The following PDE1C variants were observed in gnomAD, a reference collection of about 807,000 sequenced individuals.
The protein encoded by PDE1C is phosphodiesterase 1C, also known as dual specificity calcium/calmodulin-dependent 3',5'-cyclic nucleotide phosphodiesterase 1C.
Under a neutral mutation model 93.1 loss-of-function variants are expected in PDE1C, and 62 were observed. The ratio of observed to expected loss-of-function variants is 0.67; its 90% confidence interval spans 0.54 to 0.82. The LOEUF (loss-of-function observed/expected upper bound fraction) is 0.82, where lower values mean the gene tolerates loss of function less well. Among genes scored for constraint, PDE1C ranks in the 40% least tolerant of loss-of-function variants. The pLI, the probability that PDE1C is intolerant of heterozygous loss-of-function variation, is 0.00. For missense variants in PDE1C, 742 were observed against 884.6 expected (o/e 0.84, Z 2.04); for synonymous variants, 325 against 310.1 (o/e 1.05, Z -0.50).
chr7:31,864,399 G>A (rs192142457), intron 7 of PDE1C, among the ~76,000 whole-genome samples: 19 of 152,180 alleles, frequency 1.2e-4, no homozygotes, highest in African/African-American at 3.4e-4. Context: ...CATCTAAAGC[G>A]CTAAAATGTT....
At chr7:32,299,008 G>A in exon 1 of PDE1C, 3 of 1,243,888 alleles carry the variant, frequency 2.4e-6, no homozygotes, top group Non-Finnish European at 3.0e-6. Context: ...CGAGAGGAGT[G>A]TCAGGAAGGG....
intron 1 of PDE1C, among the ~76,000 whole-genome samples, chr7:32,232,594 G>C (rs1313759226): frequency 6.6e-6 from 1 of 152,110 alleles, no homozygotes; most frequent in Non-Finnish European, 1.5e-5. Context: ...AGAGCCTCAG[G>C]GACCCAAAAC....
chr7:31,938,838 T>TTGCATTGTTTTG (rs1385840089), intron 2 of PDE1C, among the ~76,000 whole-genome samples: 4 of 152,204 alleles, frequency 2.6e-5, no homozygotes, highest in Non-Finnish European at 5.9e-5. Flanking sequence ...GTTGAATGAA[T>TTGCATTGTTTTG]AACTGACACT....
upstream of PDE1C, among the ~76,000 whole-genome samples, chr7:32,075,452 G>C (rs2128731691): frequency 6.6e-6 from 1 of 152,288 alleles, no homozygotes. Context: ...AACAGAGGCT[G>C]TTCTCTCTCA....
chr7:32,186,095 T>G (rs59154983), intron 2 of PDE1C, among the ~76,000 whole-genome samples: 3,495 of 83,812 alleles, frequency 0.042, 74 homozygotes, highest in Non-Finnish European at 0.069. Flanking sequence ...TTGTTTTTTT[T>G]TTTTTTTTTT....
At chr7:32,181,759 C>G (rs36199612) in intron 2 of PDE1C, among the ~76,000 whole-genome samples, 32,346 of 152,004 alleles carry the variant, frequency 0.21, 4,254 homozygotes, top group Admixed American at 0.34. Context: ...CAAGAGCAAA[C>G]ATATTCAAAA....
At chr7:31,942,016 G>T (rs572802373) in intron 2 of PDE1C, among the ~76,000 whole-genome samples, 1 of 152,144 alleles carries the variant, frequency 6.6e-6, no homozygotes, top group Admixed American at 6.6e-5. Context: ...CACCATAAAT[G>T]AGATATCATT....
intron 3 of PDE1C, among the ~76,000 whole-genome samples, chr7:32,134,964 A>G (rs1338823764): frequency 6.6e-6 from 1 of 152,218 alleles, no homozygotes; most frequent in East Asian, 1.9e-4. Flanking sequence ...AGCATGCAGT[A>G]CCATGGATCA....
At chr7:32,000,993 CGTGTGT>C (rs34671338) in intron 2 of PDE1C, among the ~76,000 whole-genome samples, 2 of 149,070 alleles carry the variant, frequency 1.3e-5, no homozygotes, top group African/African-American at 2.5e-5. Flanking sequence ...TGTGTGTATA[CGTGTGT>C]GTGTGTGTGT....
intron 2 of PDE1C, among the ~76,000 whole-genome samples, chr7:31,894,223 G>A (rs1220612439): frequency 1.3e-5 from 2 of 152,192 alleles, no homozygotes; most frequent in African/African-American, 2.4e-5. Context: ...TCACAGCTAC[G>A]CTATCGATCG....
At chr7:32,008,721 C>G (rs934743531) in intron 2 of PDE1C, among the ~76,000 whole-genome samples, 3 of 152,116 alleles carry the variant, frequency 2.0e-5, no homozygotes, top group African/African-American at 4.8e-5. Flanking sequence ...ATACGCACAT[C>G]TGCACTGTTA....
intron 2 of PDE1C, among the ~76,000 whole-genome samples, chr7:31,905,298 T>C (rs1461799291): frequency 2.6e-5 from 4 of 152,170 alleles, no homozygotes; most frequent in African/African-American, 4.8e-5. Flanking sequence ...ATCACTCTAA[T>C]ATATAATTAG....
At chr7:31,970,310 TTA>T (rs1810760882) in intron 2 of PDE1C, among the ~76,000 whole-genome samples, 1 of 152,116 alleles carries the variant, frequency 6.6e-6, no homozygotes, top group Non-Finnish European at 1.5e-5. Flanking sequence ...AAGGATATCT[TTA>T]TGTCGAGCCC....
chr7:32,307,542 C>A (rs1813039790), intron 1 of PDE1C, among the ~76,000 whole-genome samples: 1 of 152,166 alleles, frequency 6.6e-6, no homozygotes. Context: ...TACTTTGAAA[C>A]CCTATCCTCT....
At chr7:32,369,323 G>A (rs995379966) in intron 1 of PDE1C, among the ~76,000 whole-genome samples, 1 of 152,194 alleles carries the variant, frequency 6.6e-6, no homozygotes, top group Middle Eastern at 3.4e-3. Context: ...TGTAAAAGTA[G>A]GCAAAAGATT....
chr7:31,966,523 C>T (rs1447727537), intron 2 of PDE1C, among the ~76,000 whole-genome samples: 1 of 152,112 alleles, frequency 6.6e-6, no homozygotes, highest in East Asian at 1.9e-4. Flanking sequence ...GACTTTAACA[C>T]CCCACTGTCA....
chr7:32,097,128 A>C lies in PDE1C; in HGVS notation c.308+72657T>G, dbSNP rs530483882. Reference sequence around the variant, plus strand: ...CTTACTCAGCCTTTTTGTTCTATTTAGATCTTCAGTTTGTTGGATGAGACC... The same window carrying C: ...CTTACTCAGCCTTTTTGTTCTATTTCGATCTTCAGTTTGTTGGATGAGACC... On this transcript the variant is annotated intron_variant, in intron 3 of 18. Coordinates refer to the PDE1C transcript ENST00000396193. Among the ~76,000 whole-genome samples the C allele has an allele frequency of 2.6e-5, 4 of 152,318 alleles. No individual in the cohort carries two copies. The South Asian group carries it at 8.3e-4, about 32-fold the overall frequency.
At chr7:31,863,397 T>C (rs1160373393) in intron 7 of PDE1C, among the ~76,000 whole-genome samples, 1 of 152,198 alleles carries the variant, frequency 6.6e-6, no homozygotes, top group Non-Finnish European at 1.5e-5. Context: ...GAAGATATCA[T>C]ATTGCATACT....
At chr7:32,357,596 C>T (rs150768712) in intron 1 of PDE1C, among the ~76,000 whole-genome samples, 29 of 152,246 alleles carry the variant, frequency 1.9e-4, no homozygotes, top group African/African-American at 5.8e-4. Flanking sequence ...CGGGCTAAAC[C>T]GGGTGCCCAG....
Sources: allele counts gnomAD v4.1 joint callset (sites outside exome capture counted in the v4.1 genomes callset), GRCh38; gene constraint gnomAD v4.1.1; transcripts MANE v1.5; gene names NCBI Gene and HGNC (gene_info 2026-07-23, HGNC 2026-07-21).